The following EIF2AK3 variants were observed in gnomAD, a reference collection of about 807,000 sequenced individuals.
EIF2AK3 encodes eukaryotic translation initiation factor 2 alpha kinase 3, also known as eukaryotic translation initiation factor 2-alpha kinase 3.
In EIF2AK3, 50 loss-of-function variants were observed where a neutral mutation model predicts 113.5. That is an observed-to-expected ratio of 0.44 (90% CI 0.35 to 0.56). The LOEUF (loss-of-function observed/expected upper bound fraction) is 0.56, where lower values mean the gene tolerates loss of function less well. EIF2AK3 is among the 20% of genes least tolerant of loss of function. The pLI is 0.00. For synonymous variants in EIF2AK3, 448 were observed against 495.4 expected (o/e 0.90, Z 1.27); for missense variants, 1,185 against 1,378.0 (o/e 0.86, Z 2.22).
intron 2 of EIF2AK3, among the ~76,000 whole-genome samples, chr2:88,608,700 C>CTTTTTTTTTTTT (rs1176748814): frequency 1.6e-5 from 1 of 62,020 alleles, no homozygotes; most frequent in East Asian, 5.9e-4. Flanking sequence ...TTTTTGATTT[C>CTTTTTTTTTTTT]TTTTTTTTTT....
intron 1 of EIF2AK3, among the ~76,000 whole-genome samples, chr2:88,618,818 A>G (rs747631135): frequency 2.0e-5 from 3 of 152,200 alleles, no homozygotes; most frequent in Non-Finnish European, 4.4e-5. Context: ...ACTCTCACCC[A>G]TGATCCAATC....
In EIF2AK3 at chr2:88,562,294, C is replaced by T. The variant is rs1673986948; in HGVS notation, c.3082G>A (p.Val1028Ile). 6.2e-7 allele frequency: 1 copy of T among 1,613,270 alleles called. No homozygotes were observed. The highest frequency in any genetic ancestry group is 1.7e-5 in the Admixed American group (1 of 60,004). Reference sequence around the variant, plus strand: ...TGAGTAGGGAGGGTACTTACCCTGACTCTCTCCATCTGAGTGCTGAATGGA... The same window carrying T: ...TGAGTAGGGAGGGTACTTACCCTGATTCTCTCCATCTGAGTGCTGAATGGA... ...LYPFSTQMER[V>I]RTLTDVRNLK... is the part of the protein sequence containing the mutation. Residue 1028 changes from valine (V) to isoleucine (I), a missense_variant, in exon 15 of 17, where the codon GTC becomes ATC. Around this residue, in one of 3 missense-constraint regions of EIF2AK3, gnomAD observed 877 missense variants for 1,024.2 expected, o/e 0.86. Coordinates refer to ENST00000303236, the MANE Select transcript of EIF2AK3 (RefSeq NM_004836.7).
At chr2:88,610,043 GC>G (rs1675394013) in intron 2 of EIF2AK3, among the ~76,000 whole-genome samples, 1 of 150,794 alleles carries the variant, frequency 6.6e-6, no homozygotes, top group African/African-American at 2.4e-5. Flanking sequence ...GACTGCTTGA[GC>G]CCAGGAGTTG....
chr2:88,620,654 T>C (rs1675697067), intron 1 of EIF2AK3, among the ~76,000 whole-genome samples: 1 of 152,254 alleles, frequency 6.6e-6, no homozygotes, highest in African/African-American at 2.4e-5. Context: ...CTGTGCTCAC[T>C]GTACAAACTC....
At chr2:88,567,387 A>C (rs1416904984) in intron 14 of EIF2AK3, among the ~76,000 whole-genome samples, 1 of 152,170 alleles carries the variant, frequency 6.6e-6, no homozygotes, top group East Asian at 1.9e-4. Flanking sequence ...CAGAGGTAGA[A>C]ATATTGTTTT....
At chr2:88,592,314 AGAT>A (rs1284896370) in intron 4 of EIF2AK3, among the ~76,000 whole-genome samples, 6 of 152,228 alleles carry the variant, frequency 3.9e-5, no homozygotes, top group Non-Finnish European at 7.3e-5. Context: ...AAATTGAATA[AGAT>A]GATTATTATT....
In EIF2AK3 at chr2:88,627,449, AC is replaced by A; in HGVS notation, c.-176del. On this transcript the variant is annotated 5_prime_UTR_variant, in exon 1 of 17. Transcript: ENST00000303236. Reference sequence around the variant, plus strand: ...TCTCAGCCCGGCCTCTGCCGCTGCCACCTGAGTGACAGCCTATCTCGGACAT... The same window carrying A: ...TCTCAGCCCGGCCTCTGCCGCTGCCACTGAGTGACAGCCTATCTCGGACAT... 1.4e-6 allele frequency: 1 copy of A among 735,746 alleles called. No homozygotes were observed. The highest frequency in any genetic ancestry group is 1.9e-6 in the Non-Finnish European group (1 of 521,716). 45.6% of individuals were successfully genotyped at this position (735,746 alleles called of 1,614,324 possible). A position where few individuals can be genotyped will look rare whatever the true frequency, so the allele number is the denominator to read the frequency against.
At chr2:88,622,319 C>T (rs755838898) in intron 1 of EIF2AK3, among the ~76,000 whole-genome samples, 3 of 152,266 alleles carry the variant, frequency 2.0e-5, no homozygotes, top group African/African-American at 4.8e-5. Flanking sequence ...TATTTTAAAA[C>T]AATTTGTAAT....
chr2:88,594,242 C>T (rs371932684), intron 3 of EIF2AK3, among the ~76,000 whole-genome samples: 133 of 152,310 alleles, frequency 8.7e-4, no homozygotes, highest in Non-Finnish European at 1.2e-3. Context: ...ACCGTTTACA[C>T]GTCACAATGG....
At chr2:88,579,280 C>T (rs577055173) in intron 11 of EIF2AK3, among the ~76,000 whole-genome samples, 57 of 152,138 alleles carry the variant, frequency 3.7e-4, no homozygotes, top group South Asian at 1.5e-3. Context: ...AGCCACTAAA[C>T]GAAAGTCCTG....
chr2:88,559,101 A>G, intron 15 of EIF2AK3, 122 bp from the exon 16 acceptor site: 1 of 647,266 alleles, frequency 1.5e-6, no homozygotes. Flanking sequence ...ATTTATCAAT[A>G]GCTTTTCCTG....
intron 1 of EIF2AK3, among the ~76,000 whole-genome samples, chr2:88,619,366 G>A (rs1036985010): frequency 1.3e-5 from 2 of 152,120 alleles, no homozygotes; most frequent in Non-Finnish European, 2.9e-5. Context: ...TACCTAGATG[G>A]TCAATGTCTA....
chr2:88,611,973 G>C (rs999627321), intron 2 of EIF2AK3, among the ~76,000 whole-genome samples: 7 of 152,148 alleles, frequency 4.6e-5, no homozygotes, highest in Non-Finnish European at 1.0e-4. Flanking sequence ...TCTAGGATTG[G>C]GGGTGGGTGG....
At chr2:88,581,439 T>A (rs928873221) in intron 10 of EIF2AK3, among the ~76,000 whole-genome samples, 2 of 152,214 alleles carry the variant, frequency 1.3e-5, no homozygotes, top group Non-Finnish European at 2.9e-5. Context: ...TCATTTATGA[T>A]GTCCTCCTAG....
chr2:88,580,432 CCT>C (rs1304694279), intron 10 of EIF2AK3, among the ~76,000 whole-genome samples: 3 of 152,278 alleles, frequency 2.0e-5, no homozygotes, highest in South Asian at 4.1e-4. Context: ...TTCTTAGACC[CCT>C]GTCTTGACAT....
At chr2:88,620,096 C>T (rs550684730) in intron 1 of EIF2AK3, among the ~76,000 whole-genome samples, 25 of 152,286 alleles carry the variant, frequency 1.6e-4, no homozygotes, top group Middle Eastern at 3.4e-3. Context: ...CTCTTCTTCC[C>T]ACAGTTTTGT....
intron 10 of EIF2AK3, among the ~76,000 whole-genome samples, chr2:88,581,213 TAA>T (rs201636966): frequency 1.8e-4 from 23 of 131,058 alleles, no homozygotes; most frequent in Non-Finnish European, 2.1e-4. Flanking sequence ...ACTCCCATAT[TAA>T]AAAAAAAAAA....
In EIF2AK3 at chr2:88,590,880, C is replaced by T. The variant is rs563686568; in HGVS notation, c.940G>A (p.Val314Ile). ...AATGCCATAACTTTCCAGTCAGCAA[C>T]CGAAACCTTTATCACTATGTCCATT... ...AIMDIVIKVS[V>I]ADWKVMAFSK... The change falls in exon 5 of 17, where the codon GTT becomes ATT. Residue 314 changes from valine (V) to isoleucine (I), a missense_variant. Around this residue, in one of 3 missense-constraint regions of EIF2AK3, gnomAD observed 877 missense variants for 1,024.2 expected, o/e 0.86. Coordinates refer to ENST00000303236, the MANE Select transcript of EIF2AK3 (RefSeq NM_004836.7). 4.2e-5 allele frequency: 68 copies of T among 1,614,066 alleles called. No homozygotes were observed. Among genetic ancestry groups the T allele is most frequent in the South Asian group, 3.1e-4 (28 of 91,078 alleles).
At chr2:88,571,454 C>CATG (rs1172425132) in intron 13 of EIF2AK3, among the ~76,000 whole-genome samples, 4 of 152,184 alleles carry the variant, frequency 2.6e-5, no homozygotes, top group Non-Finnish European at 5.9e-5. Context: ...CTGTTCAAAG[C>CATG]AGTTTACTAC....
Sources: allele counts gnomAD v4.1 joint callset (sites outside exome capture counted in the v4.1 genomes callset), GRCh38; gene constraint gnomAD v4.1.1; regional missense constraint gnomAD v4.1.1; transcripts MANE v1.5; gene names NCBI Gene and HGNC (gene_info 2026-07-23, HGNC 2026-07-21).